The following ZFPM2 variants were observed in gnomAD, a reference collection of about 807,000 sequenced individuals.
ZFPM2 encodes zinc finger protein ZFPM2.
In ZFPM2, 20 loss-of-function variants were observed where a neutral mutation model predicts 98.6. The ratio of observed to expected loss-of-function variants is 0.20; its 90% CI spans 0.14 to 0.29. The LOEUF (loss-of-function observed/expected upper bound fraction) is 0.29, where lower values mean the gene tolerates loss of function less well. Among genes scored for constraint, ZFPM2 ranks in the 10% least tolerant of loss-of-function variants. The pLI, the probability that ZFPM2 is intolerant of heterozygous loss-of-function variation, is 1.00. For synonymous variants in ZFPM2, 518 were observed against 502.7 expected, an observed-to-expected ratio of 1.03 and a Z score of -0.41; for missense variants, 1,310 against 1,388.6, an observed-to-expected ratio of 0.94 and a Z score of 0.90.
intron 3 of ZFPM2, among the ~76,000 whole-genome samples, chr8:105,554,609 T>C (rs545464785): frequency 6.6e-6 from 1 of 152,324 alleles, no homozygotes; most frequent in East Asian, 1.9e-4. Flanking sequence ...TCATGTGGTC[T>C]GCTTTAAAAT....
At chr8:105,475,221 C>T (rs1812988285) in intron 3 of ZFPM2, among the ~76,000 whole-genome samples, 1 of 152,108 alleles carries the variant, frequency 6.6e-6, no homozygotes, top group Admixed American at 6.5e-5. Context: ...CATTTTAATT[C>T]TTCTCCCTCT....
intron 5 of ZFPM2, among the ~76,000 whole-genome samples, chr8:105,745,684 AGTT>A (rs1812326474): frequency 6.6e-6 from 1 of 152,206 alleles, no homozygotes; most frequent in Admixed American, 6.5e-5. Flanking sequence ...TGTTCATCCC[AGTT>A]GTGATTTTAA....
intron 3 of ZFPM2, among the ~76,000 whole-genome samples, chr8:105,508,240 G>T (rs1376965753): frequency 6.6e-6 from 1 of 152,098 alleles, no homozygotes; most frequent in Non-Finnish European, 1.5e-5. Context: ...TAGAGTACCA[G>T]TCCAACCAGT....
chr8:105,641,915 A>G (rs1816955659), intron 5 of ZFPM2, among the ~76,000 whole-genome samples: 1 of 152,066 alleles, frequency 6.6e-6, no homozygotes, highest in African/African-American at 2.4e-5. Context: ...CCATGCATGA[A>G]TGAAGCTTCT....
rs1811740564 is a variant in ZFPM2, at chr8:105,724,076, C to T, written c.533-64642C>T. Among the ~76,000 whole-genome samples, 3 of 151,712 alleles carry T rather than the reference C, an allele frequency of 2.0e-5. 1 individual carries two copies. The South Asian group carries it at 6.2e-4, about 32-fold the overall frequency. On this transcript the variant is annotated intron_variant, in intron 5 of 7. Transcript: ENST00000407775. ...CTTTAGATTCTTCACCTTCTCTTTG[C>T]TTTAAGTTGTCATATAATGACTTAG... is the stretch of plus-strand genomic sequence containing the variant.
chr8:105,612,899 A>G (rs1239456424), intron 4 of ZFPM2, among the ~76,000 whole-genome samples: 4 of 152,214 alleles, frequency 2.6e-5, no homozygotes, highest in Non-Finnish European at 5.9e-5. Flanking sequence ...AGAAAAAATG[A>G]TCATTTTCCT....
At chr8:105,709,185 A>T (rs1002972306) in intron 5 of ZFPM2, among the ~76,000 whole-genome samples, 13 of 152,154 alleles carry the variant, frequency 8.5e-5, no homozygotes, top group African/African-American at 3.1e-4. Flanking sequence ...TCCTAAGGAG[A>T]CATGACTCAC....
At chr8:105,669,429 TTATA>T (rs1403307436) in intron 5 of ZFPM2, among the ~76,000 whole-genome samples, 1 of 150,394 alleles carries the variant, frequency 6.6e-6, no homozygotes, top group African/African-American at 2.4e-5. Flanking sequence ...ATATATATAT[TTATA>T]TATATACACA....
chr8:105,361,414 T>C (rs1329459349), intron 1 of ZFPM2, among the ~76,000 whole-genome samples: 18 of 149,968 alleles, frequency 1.2e-4, no homozygotes, highest in African/African-American at 3.4e-4. Flanking sequence ...TTCTCCCATT[T>C]TGTAGGTTGC....
chr8:105,501,116 T>A (rs1307769746), intron 3 of ZFPM2, among the ~76,000 whole-genome samples: 1 of 152,170 alleles, frequency 6.6e-6, no homozygotes, highest in Non-Finnish European at 1.5e-5. Flanking sequence ...TTCCTATTTC[T>A]TTTGAAAGGT....
rs542161553 is a variant in ZFPM2 at position 105,341,397 on chromosome 8, T to C, written c.40+22416T>C. On this transcript the variant is annotated intron_variant, in intron 1 of 7. Coordinates refer to ENST00000407775, the MANE Select transcript of ZFPM2 (RefSeq NM_012082.4). Reference sequence around the variant, plus strand: ...TATCACAAAATATTGCATTATGATATTATACAATATATGTAATATTAACAA... The same window carrying C: ...TATCACAAAATATTGCATTATGATACTATACAATATATGTAATATTAACAA... Among the ~76,000 whole-genome samples, 24 of 151,918 alleles carry C rather than the reference T, an allele frequency of 1.6e-4. 1 individual carries two copies. The South Asian group carries it at 4.6e-3, about 29-fold the overall frequency.
intron 3 of ZFPM2, among the ~76,000 whole-genome samples, chr8:105,518,119 C>CT (rs1223675302): frequency 6.6e-6 from 1 of 152,146 alleles, no homozygotes; most frequent in Non-Finnish European, 1.5e-5. Flanking sequence ...TCATAGACAC[C>CT]TTTTTTGAAA....
At chr8:105,792,032 A>C (rs562314499) in intron 6 of ZFPM2, among the ~76,000 whole-genome samples, 1,686 of 152,148 alleles carry the variant, frequency 0.011, 27 homozygotes, top group African/African-American at 0.038. Context: ...TGATCCTTTC[A>C]AAAAACCAGT....
At chr8:105,570,833 T>A (rs1027252974) in intron 4 of ZFPM2, among the ~76,000 whole-genome samples, 10 of 152,170 alleles carry the variant, frequency 6.6e-5, no homozygotes, top group African/African-American at 2.4e-4. Context: ...TTTAATACAT[T>A]TTGGCCTTTG....
intron 4 of ZFPM2, among the ~76,000 whole-genome samples, chr8:105,576,154 C>T (rs2130731434): frequency 6.6e-6 from 1 of 152,280 alleles, no homozygotes; most frequent in East Asian, 1.9e-4. Context: ...GAACCACTAT[C>T]TTACAGCACA....
rs559034576 is a variant in ZFPM2, at chr8:105,549,850, A to G, written c.302-11513A>G. 1.8e-4 allele frequency among the ~76,000 whole-genome samples: 27 copies of G among 151,948 alleles called. No homozygotes were observed. In the South Asian group the frequency reaches 3.7e-3, roughly 21 times the overall value. ...GCTGTTCTCAAACTCCTGGGCTCAC[A>G]CAATTCTCCTGCCTTGGCCTCCCAA... On this transcript the variant is annotated intron_variant, in intron 3 of 7. Coordinates refer to ENST00000407775, the MANE Select transcript of ZFPM2 (RefSeq NM_012082.4).
Position 105,803,289 on chromosome 8 carries a change from C to T in ZFPM2, c.3207C>T (p.His1069=), listed in dbSNP as rs11995760. The T allele has an allele frequency of 0.04, 64,441 of 1,594,158 alleles. 5,053 individuals are homozygous for T. The highest frequency in any genetic ancestry group is 0.34 in the African/African-American group (24,947 of 74,296). ...AGAACATTTCCCAGAATCCTCAGCA[C>T]GAAGACGACCACAAATCTCCCTCGT... is the stretch of plus-strand genomic sequence containing the variant. The part of the protein sequence containing the change: ...QQENISQNPQ[H]EDDHKSPSWI... The change falls in exon 8 of 8, where the codon CAC becomes CAT. Residue 1069 remains histidine, a synonymous_variant. Transcript: ENST00000407775.
At chr8:105,537,716 ATTTTTTC>A (rs1156479163) in intron 3 of ZFPM2, among the ~76,000 whole-genome samples, 1 of 151,530 alleles carries the variant, frequency 6.6e-6, no homozygotes, top group Non-Finnish European at 1.5e-5. Context: ...ATTATAATAT[ATTTTTTC>A]TTTTTTCTTC....
chr8:105,538,995 G>C (rs909834136), intron 3 of ZFPM2, among the ~76,000 whole-genome samples: 1 of 152,106 alleles, frequency 6.6e-6, no homozygotes, highest in Non-Finnish European at 1.5e-5. Context: ...CTCCAGCCTA[G>C]GCAATAGAGC....
Sources: allele counts gnomAD v4.1 joint callset (sites outside exome capture counted in the v4.1 genomes callset), GRCh38; gene constraint gnomAD v4.1.1; transcripts MANE v1.5; gene names NCBI Gene and HGNC (gene_info 2026-07-23, HGNC 2026-07-21).